PBX3: variants seen among roughly 807,000 people sequenced by gnomAD.
PBX3 encodes PBX homeobox 3, also known as pre-B-cell leukemia transcription factor 3.
PBX3 carries 14 observed loss-of-function variants against 48.5 expected under a neutral mutation model. The ratio of observed to expected loss-of-function variants is 0.29; its 90% CI spans 0.19 to 0.45. The LOEUF (loss-of-function observed/expected upper bound fraction) is 0.45. Ranked by LOEUF, PBX3 falls within the 20% of genes least tolerant of loss-of-function variation. The pLI is 1.00. For missense variants in PBX3, 386 were observed against 546.7 expected, an observed-to-expected ratio of 0.71 and a Z score of 2.93; for synonymous variants, 210 against 200.3, an observed-to-expected ratio of 1.05 and a Z score of -0.41.
intron 2 of PBX3, among the ~76,000 whole-genome samples, chr9:125,820,124 A>G (rs2132155986): frequency 6.6e-6 from 1 of 152,362 alleles, no homozygotes; most frequent in East Asian, 1.9e-4. Context: ...TGAAAGAAGC[A>G]CTGTGAAAAA....
chr9:125,760,669 G>C (rs1836642341), intron 2 of PBX3, among the ~76,000 whole-genome samples: 2 of 152,164 alleles, frequency 1.3e-5, no homozygotes, highest in African/African-American at 4.8e-5. Context: ...AACACAGCAT[G>C]ATGGCACATT....
rs550507049 is a variant in PBX3 at position 125,781,327 on chromosome 9, G to A, written c.274+32704G>A. The stretch of plus-strand genomic sequence containing the variant: ...GCTGTTAGGAGCTGGAGACCAGCCC[G>A]GCCAACACAGCGAAACCCCGTCTCC... On this transcript the variant is annotated intron_variant, in intron 2 of 8. Coordinates refer to ENST00000373489, the MANE Select transcript of PBX3 (RefSeq NM_006195.6). 1.4e-3 allele frequency among the ~76,000 whole-genome samples: 217 copies of A among 151,928 alleles called. 3 individuals are homozygous for A. Among genetic ancestry groups the A allele is most frequent in the Non-Finnish European group, 2.1e-3 (141 of 68,004 alleles).
intron 2 of PBX3, among the ~76,000 whole-genome samples, chr9:125,858,636 T>TTC (rs1372943919): frequency 6.6e-6 from 1 of 151,174 alleles, no homozygotes; most frequent in African/African-American, 2.4e-5. Context: ...TTTTTTTTTT[T>TTC]TTTTTCAAGA....
At chr9:125,832,491 A>G (rs1838995390) in intron 2 of PBX3, among the ~76,000 whole-genome samples, 1 of 152,200 alleles carries the variant, frequency 6.6e-6, no homozygotes, top group Non-Finnish European at 1.5e-5. Context: ...CCCTGCGCCC[A>G]GCCTAATGGT....
chr9:125,945,163 G>T (rs1300268642), intron 5 of PBX3, among the ~76,000 whole-genome samples: 1 of 151,934 alleles, frequency 6.6e-6, no homozygotes, highest in Non-Finnish European at 1.5e-5. Flanking sequence ...GGCGGAGTTT[G>T]CAGTGAGCCG....
At chr9:125,935,986 C>A (rs2132530945) in intron 5 of PBX3, among the ~76,000 whole-genome samples, 1 of 152,256 alleles carries the variant, frequency 6.6e-6, no homozygotes, top group Admixed American at 6.5e-5. Flanking sequence ...TTATTTGTTG[C>A]CAAAAGGAAA....
intron 2 of PBX3, among the ~76,000 whole-genome samples, chr9:125,862,693 A>T (rs1191286827): frequency 6.6e-6 from 1 of 152,064 alleles, no homozygotes; most frequent in Non-Finnish European, 1.5e-5. Context: ...CCAGTGGTGG[A>T]GTACTTTTTA....
chr9:125,962,247 C>T, intron 7 of PBX3, 33 bp downstream of exon 7: 1 of 1,274,646 alleles, frequency 7.8e-7, no homozygotes, highest in Non-Finnish European at 1.1e-6. Flanking sequence ...GCCTTTCTAG[C>T]AGGGTAGGGT....
intron 5 of PBX3, among the ~76,000 whole-genome samples, chr9:125,959,621 A>G: frequency 6.6e-6 from 1 of 152,240 alleles, no homozygotes; most frequent in Non-Finnish European, 1.5e-5. Context: ...GCTTCAAACT[A>G]CATACTACTC....
At chr9:125,763,523 G>C (rs1473574267) in intron 2 of PBX3, among the ~76,000 whole-genome samples, 1 of 152,188 alleles carries the variant, frequency 6.6e-6, no homozygotes, top group Non-Finnish European at 1.5e-5. Flanking sequence ...ATTTCTTCTT[G>C]AAATGGCTTA....
intron 2 of PBX3, among the ~76,000 whole-genome samples, chr9:125,817,754 C>A (rs377180602): frequency 1.3e-5 from 2 of 151,918 alleles, no homozygotes; most frequent in Non-Finnish European, 2.9e-5. Context: ...TCCTACAAAT[C>A]GAAAAAATAC....
chr9:125,963,015 G>A lies in PBX3; in HGVS notation c.1126G>A (p.Asp376Asn). ...TTTTGTTTTGTCTCACTTCTAGGTG[G>A]ATACCCTCCGTCATGTTATCAATCA... ...QVGANVQSQVDTLRHVINQTG... is the reference protein window; with the variant it reads ...QVGANVQSQVNTLRHVINQTG... Residue 376 changes from aspartate (D) to asparagine (N), a missense_variant, in exon 8 of 9, where the codon GAT (aspartate) becomes AAT (asparagine). Around this residue, in one of 4 missense-constraint regions of PBX3, gnomAD observed 127 missense variants for 143.3 expected, o/e 0.89. Transcript: ENST00000373489. The A allele has an allele frequency of 6.3e-7, 1 of 1,594,658 alleles. No homozygotes were observed. Among genetic ancestry groups the A allele is most frequent in the East Asian group, 2.2e-5 (1 of 44,482 alleles).
chr9:125,841,878 G>T (rs1029672370), intron 2 of PBX3, among the ~76,000 whole-genome samples: 4 of 152,156 alleles, frequency 2.6e-5, no homozygotes, highest in African/African-American at 9.7e-5. Context: ...GTTAGGATGT[G>T]TAGAGATAGT....
intron 2 of PBX3, among the ~76,000 whole-genome samples, chr9:125,851,699 A>ATGTTTTGTC (rs1839583184): frequency 6.6e-6 from 1 of 152,030 alleles, no homozygotes; most frequent in African/African-American, 2.4e-5. Context: ...ATACTAAGTA[A>ATGTTTTGTC]TGTTTTGTCT....
chr9:125,898,518 T>TATAG (rs1468207789), intron 2 of PBX3, among the ~76,000 whole-genome samples: 1 of 151,664 alleles, frequency 6.6e-6, no homozygotes, highest in Non-Finnish European at 1.5e-5. Context: ...GGCCTCTTAT[T>TATAG]ATAGTTTGTG....
intron 2 of PBX3, among the ~76,000 whole-genome samples, chr9:125,837,667 C>CT (rs555105795): frequency 4.7e-4 from 70 of 149,448 alleles, no homozygotes; most frequent in African/African-American, 1.6e-3. Flanking sequence ...GGTCTCAAGA[C>CT]TTTTTTTTTT....
At chr9:125,877,766 G>A (rs1840290139) in intron 2 of PBX3, among the ~76,000 whole-genome samples, 1 of 152,084 alleles carries the variant, frequency 6.6e-6, no homozygotes, top group Non-Finnish European at 1.5e-5. Context: ...CTGTATCATC[G>A]TTAATATCAT....
intron 5 of PBX3, among the ~76,000 whole-genome samples, chr9:125,940,390 T>A (rs1329369635): frequency 6.6e-6 from 1 of 152,204 alleles, no homozygotes; most frequent in Non-Finnish European, 1.5e-5. Flanking sequence ...TTAAAAAGAC[T>A]GTTTCCATTC....
chr9:125,927,810 G>A (rs924581101), intron 3 of PBX3, among the ~76,000 whole-genome samples: 4 of 152,112 alleles, frequency 2.6e-5, no homozygotes, highest in African/African-American at 9.7e-5. Flanking sequence ...AGGCTGAGGT[G>A]GGAGGATCTC....
Sources: allele counts gnomAD v4.1 joint callset (sites outside exome capture counted in the v4.1 genomes callset), GRCh38; gene constraint gnomAD v4.1.1; regional missense constraint gnomAD v4.1.1; transcripts MANE v1.5; gene names NCBI Gene and HGNC (gene_info 2026-07-23, HGNC 2026-07-21).